ITGA6: variants seen among roughly 807,000 people sequenced by gnomAD.
ITGA6 encodes the protein integrin subunit alpha 6.
Under a neutral mutation model 133.6 loss-of-function variants are expected in ITGA6, and 63 were observed. The ratio of observed to expected loss-of-function variants is 0.47; its 90% CI spans 0.38 to 0.58. ITGA6 has a LOEUF of 0.58. Ranked by LOEUF, ITGA6 falls within the 20% of genes least tolerant of loss-of-function variation. The pLI, the probability that ITGA6 is intolerant of heterozygous loss-of-function variation, is 0.00. For missense variants in ITGA6, 1,068 were observed against 1,309.4 expected (o/e 0.82, Z 2.85); for synonymous variants, 434 against 482.0 (o/e 0.90, Z 1.30).
Position 172,489,524 on chromosome 2 carries a change from G to C in ITGA6, c.2545G>C (p.Ala849Pro). 1 of 1,613,980 alleles carries C rather than the reference G, an allele frequency of 6.2e-7. No homozygotes were observed. Among genetic ancestry groups the C allele is most frequent in the South Asian group, 1.1e-5 (1 of 91,086 alleles). Residue 849 changes from alanine (A) to proline (P), a missense_variant, in exon 20 of 26, where the codon GCA becomes CCA. Coordinates refer to ENST00000684293, the MANE Select transcript of ITGA6 (RefSeq NM_000210.4). The part of the protein sequence containing the change: ...LGKPLTNLGT[A>P]TLNIQWPKEI... The stretch of plus-strand genomic sequence containing the variant: ...TAAACCTCTTACAAACCTCGGCACA[G>C]CAACCTTGAACATTCAGTGGCCAAA...
In ITGA6 at chr2:172,442,906, A is replaced by T. The variant is rs546794248; in HGVS notation, c.182+14936A>T. 4.6e-5 allele frequency among the ~76,000 whole-genome samples: 7 copies of T among 151,186 alleles called. No homozygotes were observed. In the South Asian group the frequency reaches 1.5e-3, roughly 32 times the overall value. On this transcript the variant is annotated intron_variant, in intron 1 of 25. Coordinates refer to ENST00000684293, the MANE Select transcript of ITGA6 (RefSeq NM_000210.4). ...TTTTTTTAACCTCACTATCTCCATC[A>T]TTTTCTCTGCAAGATTTTCAGTGAC...
In ITGA6 at chr2:172,490,687, G is replaced by C. The variant is rs577363043; in HGVS notation, c.2680-337G>C. 5 of 322,370 alleles carry C rather than the reference G, an allele frequency of 1.6e-5. No individual in the cohort carries two copies. The East Asian group carries it at 4.2e-4, about 27-fold the overall frequency. 20.0% of individuals were successfully genotyped at this position (322,370 alleles called of 1,614,324 possible). On this transcript the variant is annotated intron_variant, in intron 20 of 25. Transcript: ENST00000684293. ...ACCATGTTTTAGGAACAGAGCTGGA[G>C]GCTAGGGATACAGGAATAAGATTTG...
intron 1 of ITGA6, among the ~76,000 whole-genome samples, chr2:172,446,263 C>T (rs986344825): frequency 6.6e-6 from 1 of 152,142 alleles, no homozygotes; most frequent in Non-Finnish European, 1.5e-5. Context: ...TATCTTTTCT[C>T]TTCTTGTTTT....
chr2:172,427,862 A>C lies in ITGA6; in HGVS notation c.74A>C (p.Asn25Thr). Residue 25 changes from asparagine (N) to threonine (T), a missense_variant, in exon 1 of 26, where the codon AAC becomes ACC. Asn to Thr is a moderately conservative substitution (Grantham distance 65, BLOSUM62 0). Coordinates refer to ENST00000684293, the MANE Select transcript of ITGA6 (RefSeq NM_000210.4). ...CTGTCCCGGCTCGGCGCAGCCTTCAACTTGGACACTCGGGAGGACAACGTG... is the reference window on the plus strand; with the variant it reads ...CTGTCCCGGCTCGGCGCAGCCTTCACCTTGGACACTCGGGAGGACAACGTG... ...GLLSRLGAAF[N>T]LDTREDNVIR... 1 of 1,607,066 alleles carries C rather than the reference A, an allele frequency of 6.2e-7. No individual in the cohort carries two copies. Among genetic ancestry groups the C allele is most frequent in the African/African-American group, 1.3e-5 (1 of 74,486 alleles).
Position 172,428,077 on chromosome 2 carries a change from G to A in ITGA6, c.182+107G>A, listed in dbSNP as rs1342919495. 5.1e-6 allele frequency: 6 copies of A among 1,173,988 alleles called. No homozygotes were observed. In the African/African-American group the frequency reaches 9.9e-5, roughly 19 times the overall value. The allele number at this position is 1,173,988 out of a possible 1,614,324, so 72.7% of individuals were successfully genotyped here. ...GGCCCCGGGGAGTAGTTGGCCCGTG[G>A]GTCGCGCCCGGGCCGGCCGAGGCGC... On this transcript the variant is annotated intron_variant, in intron 1 of 25. Transcript: ENST00000684293.
intron 9 of ITGA6, among the ~76,000 whole-genome samples, 180 bp downstream of exon 9, chr2:172,476,693 T>C (rs1428911494): frequency 1.3e-5 from 2 of 152,214 alleles, no homozygotes; most frequent in Non-Finnish European, 2.9e-5. Context: ...TCTAAAATCT[T>C]TTAAAGTATC....
At chr2:172,430,337 T>A (rs1377214426) in intron 1 of ITGA6, among the ~76,000 whole-genome samples, 2 of 152,240 alleles carry the variant, frequency 1.3e-5, no homozygotes, top group African/African-American at 2.4e-5. Context: ...ATTCTGTGAT[T>A]CTAAGATTGC....
chr2:172,472,045 G>A (rs572016126), intron 5 of ITGA6, among the ~76,000 whole-genome samples: 2 of 152,232 alleles, frequency 1.3e-5, no homozygotes, highest in African/African-American at 4.8e-5. Flanking sequence ...GTTCAGGCCG[G>A]GCCTGGTGGC....
chr2:172,449,545 G>C (rs141773046), intron 1 of ITGA6, among the ~76,000 whole-genome samples: 1 of 152,134 alleles, frequency 6.6e-6, no homozygotes, highest in Non-Finnish European at 1.5e-5. Context: ...TGACTTTCAC[G>C]ATCTCAGGTA....
intron 24 of ITGA6, among the ~76,000 whole-genome samples, chr2:172,500,580 A>G (rs867092357): frequency 6.6e-6 from 1 of 152,236 alleles, no homozygotes. Flanking sequence ...CAGTGAGCCA[A>G]GATCGTGCCA....
rs115196030 is a variant in ITGA6, at chr2:172,489,260, G to A, written c.2506-225G>A. On this transcript the variant is annotated intron_variant, in intron 19 of 25. Coordinates refer to ENST00000684293, the MANE Select transcript of ITGA6 (RefSeq NM_000210.4). ...TGCATACAGCAGTTGTTCCTAGAACGAGTTAGCTATCAGTTGTCCTTTGAC... is the reference window on the plus strand; with the variant it reads ...TGCATACAGCAGTTGTTCCTAGAACAAGTTAGCTATCAGTTGTCCTTTGAC... Among the ~76,000 whole-genome samples, 921 of 152,338 alleles carry A rather than the reference G, an allele frequency of 6.0e-3. 12 individuals carry two copies. Among genetic ancestry groups the A allele is most frequent in the African/African-American group, 0.021 (863 of 41,578 alleles).
intron 13 of ITGA6, among the ~76,000 whole-genome samples, chr2:172,486,448 G>A (rs16860543): frequency 0.077 from 11,688 of 151,922 alleles, 1,322 homozygotes; most frequent in East Asian, 0.51. Flanking sequence ...TCTATTTATC[G>A]GTGTGATTAT....
At chr2:172,468,036 C>T (rs975528097) in intron 3 of ITGA6, among the ~76,000 whole-genome samples, 1 of 152,194 alleles carries the variant, frequency 6.6e-6, no homozygotes, top group African/African-American at 2.4e-5. Context: ...AATCACACAA[C>T]CTACTTTTCT....
intron 11 of ITGA6, among the ~76,000 whole-genome samples, chr2:172,482,865 CGTGT>C (rs111978429): frequency 6.6e-6 from 1 of 151,900 alleles, no homozygotes. Flanking sequence ...AATGTCACAT[CGTGT>C]GTGTGCGCAT....
Position 172,491,111 on chromosome 2 carries a change from T to A in ITGA6, c.2767T>A (p.Tyr923Asn). ...RKFSLFAERKYQTLNCSVNVN... is the reference protein window; with the variant it reads ...RKFSLFAERKNQTLNCSVNVN... ...ATTTTCTTTATTTGCTGAAAGAAAA[T>A]ACCAGACTCTTGTAAGTATTTTTCA... The change falls in exon 21 of 26, where the codon TAC becomes AAC. Residue 923 changes from tyrosine (Y) to asparagine (N), a missense_variant. By Grantham distance (143) the Tyr-to-Asn change is moderately radical. Transcript: ENST00000684293. The surrounding 1 kb of genome is among the most constrained non-coding windows in gnomAD (Gnocchi z 4.4). 1 of 1,515,810 alleles carries A rather than the reference T, an allele frequency of 6.6e-7. No homozygotes were observed. Among genetic ancestry groups the A allele is most frequent in the African/African-American group, 1.4e-5 (1 of 73,124 alleles). 93.9% of individuals were successfully genotyped at this position (1,515,810 alleles called of 1,614,324 possible).
chr2:172,498,298 A>G (rs1230899717), intron 24 of ITGA6, among the ~76,000 whole-genome samples, 198 bp downstream of exon 24: 1 of 152,238 alleles, frequency 6.6e-6, no homozygotes, highest in African/African-American at 2.4e-5. Flanking sequence ...TATTTAAAGT[A>G]TATTATTTGT....
At chr2:172,503,071 T>A (rs1245535758) in intron 25 of ITGA6, among the ~76,000 whole-genome samples, 3 of 152,184 alleles carry the variant, frequency 2.0e-5, no homozygotes, top group Non-Finnish European at 4.4e-5. Flanking sequence ...ACATATAATT[T>A]TATCTTGCTC....
At chr2:172,446,486 C>T (rs963685933) in intron 1 of ITGA6, among the ~76,000 whole-genome samples, 18 of 152,162 alleles carry the variant, frequency 1.2e-4, no homozygotes, top group Non-Finnish European at 1.3e-4. Flanking sequence ...AATGATAAAA[C>T]TTTATTCCCA....
At chr2:172,486,995 A>G in intron 13 of ITGA6, 28 bp from the exon 14 acceptor site, 1 of 1,281,864 alleles carries the variant, frequency 7.8e-7, no homozygotes, top group Non-Finnish European at 1.1e-6. Flanking sequence ...AATGGTGTAA[A>G]TTGACAATAG....
Sources: allele counts gnomAD v4.1 joint callset (sites outside exome capture counted in the v4.1 genomes callset), GRCh38; gene constraint gnomAD v4.1.1; non-coding constraint Gnocchi (gnomAD v3.1); transcripts MANE v1.5; gene names NCBI Gene and HGNC (gene_info 2026-07-23, HGNC 2026-07-21).